Variants in EYS observed in about 807,000 individuals in gnomAD.
EYS encodes EGF-like photoreceptor maintenance factor.
In EYS, 250 loss-of-function variants were observed where a neutral mutation model predicts 282.1. The observed-to-expected ratio is 0.89, with a 90% CI of 0.80 to 0.98. EYS has a LOEUF of 0.98. Ranked by LOEUF, EYS falls within the 50% of genes least tolerant of loss-of-function variation. EYS has a pLI of 0.00. For synonymous variants in EYS, 1,355 were observed against 1,282.9 expected (o/e 1.06, Z -1.20); for missense variants, 4,016 against 3,709.0 (o/e 1.08, Z -2.15).
chr6:64,294,660 T>C (rs1768841659), intron 30 of EYS, among the ~76,000 whole-genome samples: 1 of 152,178 alleles, frequency 6.6e-6, no homozygotes, highest in Admixed American at 6.5e-5. Flanking sequence ...TTAAATGTTA[T>C]TTGACTTTTT....
chr6:64,290,321 G>A (rs1768656550), intron 30 of EYS, among the ~76,000 whole-genome samples: 1 of 152,036 alleles, frequency 6.6e-6, no homozygotes, highest in Admixed American at 6.6e-5. Context: ...AGCATAGCAG[G>A]AGTTAAAATA....
chr6:64,268,401 G>GAATCACTTCT (rs1422551067), intron 30 of EYS, among the ~76,000 whole-genome samples: 1 of 152,036 alleles, frequency 6.6e-6, no homozygotes, highest in Non-Finnish European at 1.5e-5. Flanking sequence ...GTGGGAGAGA[G>GAATCACTTCT]AATCACTTCT....
intron 2 of EYS, among the ~76,000 whole-genome samples, chr6:65,546,573 C>CT (rs11396973): frequency 0.75 from 112,742 of 151,072 alleles, 42,846 homozygotes; most frequent in African/African-American, 0.89. Context: ...ACAACTTGAT[C>CT]TTTTTTTTGT....
intron 22 of EYS, among the ~76,000 whole-genome samples, chr6:64,667,044 A>G (rs1462159261): frequency 5.9e-5 from 9 of 152,084 alleles, no homozygotes; most frequent in Non-Finnish European, 1.0e-4. Context: ...GTGACATCAC[A>G]AAAAGAATCA....
chr6:64,255,823 C>T (rs1767380130), intron 30 of EYS, among the ~76,000 whole-genome samples: 1 of 151,862 alleles, frequency 6.6e-6, no homozygotes, highest in African/African-American at 2.4e-5. Flanking sequence ...GCATGTAGGC[C>T]ACTTTGGTAG....
chr6:65,238,145 A>G (rs1489989242), intron 12 of EYS, among the ~76,000 whole-genome samples: 1 of 151,768 alleles, frequency 6.6e-6, no homozygotes, highest in African/African-American at 2.4e-5. Context: ...TACAAAAAGT[A>G]GTTTGCTATA....
intron 22 of EYS, among the ~76,000 whole-genome samples, chr6:64,635,399 C>A (rs1183019799): frequency 6.6e-6 from 1 of 152,112 alleles, no homozygotes; most frequent in Non-Finnish European, 1.5e-5. Flanking sequence ...CTGTCTTGTG[C>A]CGGTTTTCAA....
chr6:65,061,641 AACACACACACATAC>A (rs535857404), intron 12 of EYS, among the ~76,000 whole-genome samples: 48 of 151,668 alleles, frequency 3.2e-4, no homozygotes, highest in African/African-American at 1.2e-3. Flanking sequence ...AATTCCACCT[AACACACACACATAC>A]ACACACACAC....
chr6:64,925,407 T>C (rs150838502), intron 15 of EYS, among the ~76,000 whole-genome samples: 1 of 148,026 alleles, frequency 6.8e-6, no homozygotes, highest in Non-Finnish European at 1.5e-5. Flanking sequence ...ATGATTTCTT[T>C]GGTTATACGT....
intron 22 of EYS, among the ~76,000 whole-genome samples, chr6:64,775,544 G>A (rs946132159): frequency 6.6e-6 from 1 of 152,056 alleles, no homozygotes; most frequent in African/African-American, 2.4e-5. Context: ...ATCTAAGAAA[G>A]AGATTATAGG....
At chr6:65,298,994 C>A (rs1768741530) in intron 11 of EYS, among the ~76,000 whole-genome samples, 1 of 151,954 alleles carries the variant, frequency 6.6e-6, no homozygotes, top group South Asian at 2.1e-4. Context: ...TCAGTGGATT[C>A]TATAGAGAGG....
chr6:64,239,467 C>T (rs539630794), intron 30 of EYS, among the ~76,000 whole-genome samples: 18 of 152,242 alleles, frequency 1.2e-4, no homozygotes, highest in South Asian at 8.3e-4. Flanking sequence ...GAGATGGTAT[C>T]TCATTGTGGT....
At chr6:65,223,714 T>C (rs1766538431) in intron 12 of EYS, among the ~76,000 whole-genome samples, 1 of 152,102 alleles carries the variant, frequency 6.6e-6, no homozygotes. Context: ...ACTACCACAG[T>C]AGTCTAGGAC....
intron 27 of EYS, among the ~76,000 whole-genome samples, chr6:64,438,014 T>C (rs1317579959): frequency 1.3e-5 from 2 of 151,894 alleles, no homozygotes; most frequent in African/African-American, 4.8e-5. Context: ...TGCTGAGTTA[T>C]TGCAATGATG....
At chr6:63,762,690 C>T in intron 40 of EYS, 57 bp from the exon 41 acceptor site, 1 of 1,439,672 alleles carries the variant, frequency 6.9e-7, no homozygotes, top group South Asian at 1.3e-5. Flanking sequence ...TGGATACATA[C>T]TATGTATTGC....
chr6:63,721,414 C>G lies in EYS; in HGVS notation c.8617G>C (p.Asp2873His). ...TACCCACAGGCTGTCCCATCACAGT[C>G]ACCTACATTTGAGCCACCTTTTGCT... ...FGAKGGSNVGDCDGTACGYNT... is the reference protein window; with the variant it reads ...FGAKGGSNVGHCDGTACGYNT... Residue 2873 changes from aspartate (D) to histidine (H), a missense_variant, in exon 43 of 43, where the codon GAC becomes CAC. Coordinates refer to ENST00000503581, the MANE Select transcript of EYS (RefSeq NM_001142800.2). 1 of 1,551,710 alleles carries G rather than the reference C, an allele frequency of 6.4e-7. No homozygotes were observed. The highest frequency in any genetic ancestry group is 8.7e-7 in the Non-Finnish European group (1 of 1,146,940).
intron 36 of EYS, among the ~76,000 whole-genome samples, chr6:63,818,765 AT>A (rs971373823): frequency 6.6e-6 from 1 of 152,138 alleles, no homozygotes; most frequent in Non-Finnish European, 1.5e-5. Context: ...CAATTAGCCA[AT>A]CTACAGAGAG....
intron 2 of EYS, among the ~76,000 whole-genome samples, chr6:65,567,431 T>C (rs190769696): frequency 1.3e-5 from 2 of 151,652 alleles, no homozygotes; most frequent in Admixed American, 1.3e-4. Flanking sequence ...TTGATGTTTA[T>C]TAAATATATA....
intron 33 of EYS, among the ~76,000 whole-genome samples, chr6:64,054,621 A>C (rs993838747): frequency 3.9e-5 from 6 of 152,212 alleles, no homozygotes; most frequent in Non-Finnish European, 8.8e-5. Flanking sequence ...TTCAGGAATG[A>C]GTTGTATAGC....
Sources: gnomAD v4.1 joint callset for allele counts (sites outside exome capture counted in the v4.1 genomes callset) on GRCh38, gnomAD v4.1.1 for gene constraint, MANE v1.5 for transcripts, NCBI Gene and HGNC (gene_info 2026-07-23, HGNC 2026-07-21) for gene names.